PCNX2: variants seen among roughly 807,000 people sequenced by gnomAD.
PCNX2 encodes pecanex-like protein 2.
A neutral mutation model predicts 223.8 loss-of-function variants in PCNX2; 168 were observed. That is an observed-to-expected ratio of 0.75 (90% CI 0.66 to 0.85). PCNX2 has a LOEUF of 0.85. PCNX2 is among the 40% of genes least tolerant of loss of function. PCNX2 has a pLI of 0.00. For synonymous variants in PCNX2, 1,006 were observed against 1,052.6 expected (o/e 0.96, Z 0.86); for missense variants, 2,507 against 2,675.5 (o/e 0.94, Z 1.39).
chr1:233,012,343 A>G (rs529457030), intron 28 of PCNX2, among the ~76,000 whole-genome samples: 2 of 151,866 alleles, frequency 1.3e-5, no homozygotes, highest in Non-Finnish European at 2.9e-5. Flanking sequence ...TGCATCCTCC[A>G]CCCCAATCCC....
chr1:233,299,631 C>T (rs1662229217), upstream of PCNX2, among the ~76,000 whole-genome samples: 1 of 152,200 alleles, frequency 6.6e-6, no homozygotes. Context: ...AGAGCTGAAG[C>T]CTTGAGGACC....
chr1:233,036,318 A>G (rs73103494), intron 25 of PCNX2, among the ~76,000 whole-genome samples: 6,746 of 152,252 alleles, frequency 0.044, 344 homozygotes, highest in African/African-American at 0.12. Flanking sequence ...TAATTTGTGG[A>G]AAGAAAGAAT....
At chr1:233,154,880 C>A (rs1678019984) in intron 19 of PCNX2, among the ~76,000 whole-genome samples, 1 of 151,972 alleles carries the variant, frequency 6.6e-6, no homozygotes, top group African/African-American at 2.4e-5. Flanking sequence ...ACCAGCCTGG[C>A]CAACATAGTG....
chr1:233,248,229 G>A (rs1055920031), intron 8 of PCNX2, among the ~76,000 whole-genome samples: 11 of 151,718 alleles, frequency 7.3e-5, no homozygotes, highest in Admixed American at 1.3e-4. Context: ...TTTGCTGCCC[G>A]GCTTTTATCT....
At chr1:233,010,299 A>G (rs1433265959) in intron 28 of PCNX2, among the ~76,000 whole-genome samples, 1 of 152,256 alleles carries the variant, frequency 6.6e-6, no homozygotes, top group Non-Finnish European at 1.5e-5. Flanking sequence ...AGACCACAAC[A>G]GTGACCTCCT....
In PCNX2 at chr1:233,213,178, T is replaced by C. The variant is rs112658799; in HGVS notation, c.2692-4489A>G. 4.1e-3 allele frequency among the ~76,000 whole-genome samples: 632 copies of C among 152,312 alleles called. 6 individuals are homozygous for C. Among genetic ancestry groups the C allele is most frequent in the African/African-American group, 0.015 (615 of 41,558 alleles). ...TATATGTTCCTTGGATTTCTTCCAG[T>C]ATCCACCTCACCCTATATATTTTTT... On this transcript the variant is annotated intron_variant, in intron 12 of 33. Transcript: ENST00000258229.
At chr1:233,260,867 C>T (rs1660005669) in intron 4 of PCNX2, among the ~76,000 whole-genome samples, 1 of 151,460 alleles carries the variant, frequency 6.6e-6, no homozygotes, top group Non-Finnish European at 1.5e-5. Flanking sequence ...AAGAAAGATC[C>T]CCCAAAACAA....
chr1:233,058,338 C>G (rs1191696382), intron 23 of PCNX2: 1 of 152,258 alleles, frequency 6.6e-6, no homozygotes, highest in African/African-American at 2.4e-5. Context: ...GTAAGTGCAG[C>G]GATCTGCTCT....
intron 25 of PCNX2, among the ~76,000 whole-genome samples, chr1:233,052,659 TCC>T (rs1456534527): frequency 1.3e-5 from 2 of 152,284 alleles, no homozygotes; most frequent in East Asian, 3.9e-4. Context: ...TCTGTGAGGC[TCC>T]CAGCATCTTA....
At position 233,227,370 on chromosome 1, in the gene PCNX2, T is replaced by C. The variant is rs200538873; in HGVS notation, c.2360A>G (p.His787Arg). 2.3e-5 allele frequency: 37 copies of C among 1,610,648 alleles called. No homozygotes were observed. In the African/African-American group the frequency reaches 4.3e-4, roughly 19 times the overall value. ...ARRTQSETPR[H>R]VSQDLEASSC... ...CGAGGCTTCCAGATCCTGACTCACA[T>C]GCTTTTAGATACCAAAAGAAACAAC... Residue 787 changes from histidine (H) to arginine (R), a missense_variant and splice_region_variant, in exon 10 of 34, where the codon CAT (histidine) becomes CGT (arginine). Physicochemically the swap from His to Arg is conservative, Grantham distance 29. This residue lies in a region of PCNX2 where 1,031 missense variants were observed against 1,021.7 expected (regional missense o/e 1.01). Transcript: ENST00000258229.
intron 17 of PCNX2, among the ~76,000 whole-genome samples, chr1:233,169,360 C>T (rs1212798142): frequency 6.6e-6 from 1 of 151,858 alleles, no homozygotes; most frequent in African/African-American, 2.4e-5. Context: ...TAAAATGTGA[C>T]ACAGGGCCGG....
At chr1:233,141,773 A>ATGTGTGTG (rs34145635) in intron 19 of PCNX2, among the ~76,000 whole-genome samples, 20 of 146,282 alleles carry the variant, frequency 1.4e-4, no homozygotes, top group African/African-American at 4.1e-4. Context: ...GTATATGTAT[A>ATGTGTGTG]TGTGTGTGTG....
intron 1 of PCNX2, among the ~76,000 whole-genome samples, chr1:233,290,368 C>T (rs1231452419): frequency 6.6e-6 from 1 of 152,106 alleles, no homozygotes; most frequent in East Asian, 1.9e-4. Flanking sequence ...AATAAGGGAT[C>T]GCTAGAAGGA....
intron 3 of PCNX2, among the ~76,000 whole-genome samples, chr1:233,261,640 A>G (rs190501389): frequency 6.6e-6 from 1 of 152,350 alleles, no homozygotes; most frequent in African/African-American, 2.4e-5. Context: ...AAAAAAGGTG[A>G]TTTATTGACT....
In PCNX2 at chr1:232,998,342, C is replaced by T. The variant is rs765910636; in HGVS notation, c.5700G>A (p.Pro1900=). ...GAPTTGGNNA[P]SGGSQESSAE... is the part of the protein sequence containing the mutation. Reference sequence around the variant, plus strand: ...CGCTGCTCTCCTGGCTGCCACCACTCGGGGCATTGTTGCCACCTGTCGTCG... The same window carrying T: ...CGCTGCTCTCCTGGCTGCCACCACTTGGGGCATTGTTGCCACCTGTCGTCG... Residue 1900 remains proline, a synonymous_variant, in exon 32 of 34, where the codon CCG becomes CCA. Coordinates refer to ENST00000258229, the MANE Select transcript of PCNX2 (RefSeq NM_014801.4). The T allele has an allele frequency of 2.3e-5, 37 of 1,613,230 alleles. No individual in the cohort carries two copies. The highest frequency in any genetic ancestry group is 6.6e-5 in the South Asian group (6 of 90,888).
chr1:233,167,810 A>T, intron 17 of PCNX2: 1 of 980,872 alleles, frequency 1.0e-6, no homozygotes, highest in Non-Finnish European at 1.2e-6. Context: ...AAAAGTTTGT[A>T]ACTTTGGTTG....
At chr1:233,232,953 A>G in intron 9 of PCNX2, 1 of 985,136 alleles carries the variant, frequency 1.0e-6, no homozygotes, top group South Asian at 4.7e-5. Flanking sequence ...ATACTATCTC[A>G]TTTTTTAATG....
At chr1:233,291,140 A>C in intron 1 of PCNX2, 1 of 966,988 alleles carries the variant, frequency 1.0e-6, no homozygotes, top group Non-Finnish European at 1.2e-6. Context: ...ATGCTACAGG[A>C]CCTCAGCTAA....
chr1:233,287,197 G>A (rs1471762475), intron 1 of PCNX2, among the ~76,000 whole-genome samples: 5 of 152,192 alleles, frequency 3.3e-5, no homozygotes, highest in Non-Finnish European at 7.3e-5. Context: ...AACACAAGAG[G>A]CTGTGTATAG....
Sources: gnomAD v4.1 joint callset for allele counts (sites outside exome capture counted in the v4.1 genomes callset) on GRCh38, gnomAD v4.1.1 for gene constraint, gnomAD v4.1.1 regional missense constraint, MANE v1.5 for transcripts, NCBI Gene and HGNC (gene_info 2026-07-23, HGNC 2026-07-21) for gene names.